Variants in UEVLD observed in about 807,000 individuals in gnomAD.
UEVLD encodes the protein ubiquitin-conjugating enzyme E2 variant 3.
Under a neutral mutation model 58.6 loss-of-function variants are expected in UEVLD, and 47 were observed. The ratio of observed to expected loss-of-function variants is 0.80; its 90% CI spans 0.63 to 1.02. The LOEUF is 1.02. UEVLD is among the 50% of genes least tolerant of loss of function. The pLI is 0.00. For synonymous variants in UEVLD, 197 were observed against 195.3 expected, an observed-to-expected ratio of 1.01 and a Z score of -0.07; for missense variants, 510 against 550.6, an observed-to-expected ratio of 0.93 and a Z score of 0.74.
chr11:18,572,516 C>A (rs905861228), intron 3 of UEVLD, among the ~76,000 whole-genome samples: 9 of 151,710 alleles, frequency 5.9e-5, no homozygotes, highest in African/African-American at 2.2e-4. Context: ...GTAATAAAGG[C>A]AGACAAGGCT....
At chr11:18,557,355 T>G (rs1465375736) in intron 7 of UEVLD, among the ~76,000 whole-genome samples, 1 of 151,812 alleles carries the variant, frequency 6.6e-6, no homozygotes, top group African/African-American at 2.4e-5. Flanking sequence ...GGTTTCACCA[T>G]GTTTGCCAGG....
chr11:18,557,717 C>A (rs1421628974), intron 7 of UEVLD, among the ~76,000 whole-genome samples: 1 of 152,102 alleles, frequency 6.6e-6, no homozygotes, highest in East Asian at 1.9e-4. Flanking sequence ...TCATGAGCCA[C>A]CACACCCAGC....
intron 1 of UEVLD, among the ~76,000 whole-genome samples, chr11:18,581,894 G>C (rs1371276210): frequency 1.3e-5 from 2 of 152,086 alleles, no homozygotes; most frequent in Admixed American, 6.6e-5. Context: ...TATATGAGTA[G>C]AGTAGACATA....
intron 10 of UEVLD, among the ~76,000 whole-genome samples, chr11:18,534,874 A>G (rs1016715059): frequency 2.0e-5 from 3 of 152,216 alleles, no homozygotes; most frequent in Non-Finnish European, 4.4e-5. Context: ...TGATCTAGAA[A>G]TTCCTCTTCT....
intron 3 of UEVLD, among the ~76,000 whole-genome samples, chr11:18,572,575 C>T (rs1304971126): frequency 1.3e-5 from 2 of 152,196 alleles, no homozygotes; most frequent in East Asian, 1.9e-4. Flanking sequence ...GAGGCAGAGG[C>T]GGGCGGATCA....
At chr11:18,535,170 G>A (rs1395562144) in intron 10 of UEVLD, among the ~76,000 whole-genome samples, 1 of 152,078 alleles carries the variant, frequency 6.6e-6, no homozygotes, top group Non-Finnish European at 1.5e-5. Context: ...TTTCTTTTTA[G>A]AGACAGGGTC....
At chr11:18,537,943 G>A (rs1363852135) in intron 9 of UEVLD, among the ~76,000 whole-genome samples, 2 of 152,164 alleles carry the variant, frequency 1.3e-5, no homozygotes, top group East Asian at 3.9e-4. Context: ...GATTACAGGC[G>A]TAAGCCACTG....
intron 9 of UEVLD, among the ~76,000 whole-genome samples, chr11:18,537,322 A>AT (rs1382878927): frequency 4.0e-4 from 12 of 30,370 alleles, no homozygotes; most frequent in Admixed American, 1.8e-3. Context: ...ATATATATAT[A>AT]TATTTTTTTT....
intron 9 of UEVLD, among the ~76,000 whole-genome samples, chr11:18,544,393 T>C (rs190212232): frequency 6.6e-6 from 1 of 152,280 alleles, no homozygotes; most frequent in Admixed American, 6.5e-5. Context: ...ACTGCAGCCT[T>C]GACCTCCCGG....
At chr11:18,570,462 G>A in intron 3 of UEVLD, 85 bp from the exon 4 acceptor site, 1 of 1,273,604 alleles carries the variant, frequency 7.9e-7, no homozygotes, top group Non-Finnish European at 1.0e-6. Context: ...TAAGAAATGA[G>A]TAGGCTGGGG....
intron 9 of UEVLD, among the ~76,000 whole-genome samples, chr11:18,537,731 C>T (rs949412263): frequency 6.6e-6 from 1 of 152,054 alleles, no homozygotes; most frequent in Non-Finnish European, 1.5e-5. Flanking sequence ...GGCACACTCT[C>T]AGCTCACTAC....
At chr11:18,576,862 A>G (rs1039241160) in intron 2 of UEVLD, among the ~76,000 whole-genome samples, 2 of 152,144 alleles carry the variant, frequency 1.3e-5, no homozygotes, top group African/African-American at 2.4e-5. Context: ...TGTTCTCACA[A>G]TGCTCGGGGC....
chr11:18,583,222 CTT>C (rs10540605), intron 1 of UEVLD, among the ~76,000 whole-genome samples: 23,659 of 122,302 alleles, frequency 0.19, 2,216 homozygotes, highest in East Asian at 0.42. Flanking sequence ...TTGTGCCCAG[CTT>C]TTTTTTTTTT....
At chr11:18,544,162 CAT>C (rs1424595034) in intron 9 of UEVLD, among the ~76,000 whole-genome samples, 1 of 152,132 alleles carries the variant, frequency 6.6e-6, no homozygotes, top group African/African-American at 2.4e-5. Context: ...GAGAATGACA[CAT>C]ATGAGGAATT....
At chr11:18,536,988 C>T (rs1357125987) in intron 9 of UEVLD, among the ~76,000 whole-genome samples, 2 of 150,754 alleles carry the variant, frequency 1.3e-5, no homozygotes, top group East Asian at 2.0e-4. Flanking sequence ...CTCTGCCTCC[C>T]GGGTTCACGC....
At chr11:18,560,171 T>G (rs1049713334) in intron 6 of UEVLD, among the ~76,000 whole-genome samples, 1 of 121,546 alleles carries the variant, frequency 8.2e-6, no homozygotes, top group East Asian at 2.6e-4. Flanking sequence ...TGCTACACTA[T>G]GTATTAGCTA....
Position 18,536,534 on chromosome 11 carries a change from G to C in UEVLD, c.1061-65C>G. 5.2e-6 allele frequency: 7 copies of C among 1,355,938 alleles called. No individual in the cohort carries two copies. In the South Asian group the frequency reaches 7.0e-5, roughly 14 times the overall value. 84.0% of individuals were successfully genotyped at this position (1,355,938 alleles called of 1,614,324 possible). ...CTCTTTGGATTAAGATGTGATAACA[G>C]ATCTTTTGGAGTCAAGGGTACCTGT... On this transcript the variant is annotated intron_variant, in intron 9 of 11. Coordinates refer to ENST00000396197, the MANE Select transcript of UEVLD (RefSeq NM_001040697.4).
At chr11:18,552,990 C>G (rs940160949) in intron 7 of UEVLD, among the ~76,000 whole-genome samples, 4 of 151,382 alleles carry the variant, frequency 2.6e-5, no homozygotes, top group African/African-American at 9.7e-5. Flanking sequence ...CCCGTCTCTA[C>G]TAAAAATACA....
In UEVLD at chr11:18,537,322, A is replaced by ATTT. The variant is rs1382878927; in HGVS notation, c.1061-854_1061-853insAAA. ...ACTGGAAATTTCTTTATATATATAT[A>ATTT]TATTTTTTTTTTTTTTTCTTTTTCT... is the stretch of plus-strand genomic sequence containing the variant. On this transcript the variant is annotated intron_variant, in intron 9 of 11. Transcript: ENST00000396197. Among the ~76,000 whole-genome samples the ATTT allele has an allele frequency of 2.3e-4, 7 of 30,392 alleles. No homozygotes were observed. In the South Asian group the frequency reaches 0.013, roughly 56 times the overall value. 19.9% of individuals were successfully genotyped at this position (30,392 alleles called of 152,430 possible). A position where few individuals can be genotyped will look rare whatever the true frequency, so the allele number is the denominator to read the frequency against.
Sources: gnomAD v4.1 joint callset for allele counts (sites outside exome capture counted in the v4.1 genomes callset) on GRCh38, gnomAD v4.1.1 for gene constraint, MANE v1.5 for transcripts, NCBI Gene and HGNC (gene_info 2026-07-23, HGNC 2026-07-21) for gene names.